The following TMEM186 variants were observed in gnomAD, a reference collection of about 807,000 sequenced individuals.
The protein encoded by TMEM186 is chromosome 16 open reading frame 51.
In TMEM186, 2 loss-of-function variants were observed where a neutral mutation model predicts 2.5. The ratio of observed to expected loss-of-function variants is 0.79; its 90% CI spans 0.32 to 2.50. TMEM186 has a LOEUF of 2.50. TMEM186 is among the 30% of genes most tolerant of loss of function. TMEM186 has a pLI of 0.11. For missense variants in TMEM186, 321 were observed against 276.5 expected (o/e 1.16, Z -1.14); for synonymous variants, 120 against 104.9 (o/e 1.14, Z -0.88).
At chr16:8,797,518 A>G in intron 1 of TMEM186, 94 bp downstream of exon 1, 2 of 1,459,434 alleles carry the variant, frequency 1.4e-6, no homozygotes, top group Non-Finnish European at 9.4e-7. Context: ...GGATCCTCGG[A>G]GTCCGAAACC....
rs776674343 is a variant in TMEM186, at chr16:8,796,543, C to A, written c.51G>T (p.Trp17Cys). Reference protein sequence around the residue: ...AVRRFRGKAVWERPLHGLWCC... With the variant: ...AVRRFRGKAVCERPLHGLWCC... ...ACCACAGCCCATGGAGAGGCCTTTC[C>A]CACACAGCTTTTCCCCGAAACCTAC... Residue 17 changes from tryptophan (W) to cysteine (C), a missense_variant, in exon 2 of 2, where the codon TGG (tryptophan) becomes TGT (cysteine). Trp to Cys is a radical substitution (Grantham distance 215). Coordinates refer to ENST00000333050, the MANE Select transcript of TMEM186 (RefSeq NM_015421.4). 6.2e-7 allele frequency: 1 copy of A among 1,614,162 alleles called. No homozygotes were observed. Among genetic ancestry groups the A allele is most frequent in the South Asian group, 1.1e-5 (1 of 91,086 alleles).
In TMEM186 at chr16:8,796,584, G is replaced by C. The variant is rs756617926; in HGVS notation, c.10C>G (p.Leu4Val). 10 of 1,611,664 alleles carry C rather than the reference G, an allele frequency of 6.2e-6. No individual in the cohort carries two copies. Among genetic ancestry groups the C allele is most frequent in the Admixed American group, 1.7e-5 (1 of 59,990 alleles). The change falls in exon 2 of 2, where the codon CTT (leucine) becomes GTT (valine). Residue 4 changes from leucine to valine, a missense_variant. Physicochemically the swap from Leu to Val is conservative, Grantham distance 32. Coordinates refer to ENST00000333050, the MANE Select transcript of TMEM186 (RefSeq NM_015421.4). The stretch of plus-strand genomic sequence containing the variant: ...CGAAACCTACGCACAGCTCGGAGAA[G>C]GGCAGCCTGAAAGGGAGACAGTAGA... MAA[L>V]LRAVRRFRGK...
Position 8,795,927 on chromosome 16 carries a change from A to G in TMEM186, c.*25T>C, listed in dbSNP as rs1244837394. ...CTGTTAATCCAGGCGACCCAGGGTTACCCAGAGGTCCAGGTCCCAGTTGTT... is the reference window on the plus strand; with the variant it reads ...CTGTTAATCCAGGCGACCCAGGGTTGCCCAGAGGTCCAGGTCCCAGTTGTT... On this transcript the variant is annotated 3_prime_UTR_variant, in exon 2 of 2. Transcript: ENST00000333050. 1.1e-5 allele frequency: 18 copies of G among 1,594,656 alleles called. No individual in the cohort carries two copies. The highest frequency in any genetic ancestry group is 1.7e-4 in the Middle Eastern group (1 of 5,908).
chr16:8,797,108 T>C (rs2060581581), intron 1 of TMEM186, among the ~76,000 whole-genome samples: 1 of 152,204 alleles, frequency 6.6e-6, no homozygotes, highest in Non-Finnish European at 1.5e-5. Flanking sequence ...ATATGCTATC[T>C]TGGGTGCTGG....
Position 8,796,020 on chromosome 16 carries a change from G to C in TMEM186, c.574C>G (p.Arg192Gly), listed in dbSNP as rs374978697. ...TCTCTGTCCAGGATGCGTCCATAGC[G>C]CAGGGTGACGTAGAAGGTCTGTTTC... ...SGKQTFYVTL[R>G]YGRILDRERF... The change falls in exon 2 of 2, where the codon CGC (arginine) becomes GGC (glycine). Residue 192 changes from arginine to glycine, a missense_variant. By Grantham distance (125) the Arg-to-Gly change is moderately radical (BLOSUM62 -2). Coordinates refer to ENST00000333050, the MANE Select transcript of TMEM186 (RefSeq NM_015421.4). 4.3e-6 allele frequency: 7 copies of C among 1,614,066 alleles called. No individual in the cohort carries two copies. Among genetic ancestry groups the C allele is most frequent in the African/African-American group, 1.3e-5 (1 of 74,914 alleles).
Position 8,796,009 on chromosome 16 carries a change from G to A in TMEM186, c.585C>T (p.Arg195=), listed in dbSNP as rs2060572902. The change falls in exon 2 of 2, where the codon CGC becomes CGT. Residue 195 remains arginine (R), a synonymous_variant. Transcript: ENST00000333050. ...QTFYVTLRYG[R]ILDRERFTQV... is the part of the protein sequence containing the mutation. ...GTGTGAAACGCTCTCTGTCCAGGAT[G>A]CGTCCATAGCGCAGGGTGACGTAGA... is the stretch of plus-strand genomic sequence containing the variant. 1.2e-6 allele frequency: 2 copies of A among 1,614,114 alleles called. No homozygotes were observed. The highest frequency in any genetic ancestry group is 2.2e-5 in the East Asian group (1 of 44,900).
At chr16:8,797,232 A>G (rs984427065) in intron 1 of TMEM186, among the ~76,000 whole-genome samples, 1 of 152,148 alleles carries the variant, frequency 6.6e-6, no homozygotes, top group Admixed American at 6.5e-5. Flanking sequence ...CTAGGTGGGT[A>G]GTGAAGCAGT....
At position 8,796,488 on chromosome 16, in the gene TMEM186, A is replaced by G. The variant is rs757995987; in HGVS notation, c.106T>C (p.Trp36Arg). The stretch of plus-strand genomic sequence containing the variant: ...GAGATGGGTGAACTGCTGCCCACCC[A>G]CCTCTTAGGATCCTCCTGCCCACTG... ...CCSGQEDPKR[W>R]VGSSSPISKE... Residue 36 changes from tryptophan to arginine, a missense_variant, in exon 2 of 2, where the codon TGG (tryptophan) becomes CGG (arginine). Transcript: ENST00000333050. 1 of 1,614,016 alleles carries G rather than the reference A, an allele frequency of 6.2e-7. No homozygotes were observed. The highest frequency in any genetic ancestry group is 2.2e-5 in the East Asian group (1 of 44,874).
In TMEM186 at chr16:8,797,627, T is replaced by C. The variant is rs777645068; in HGVS notation, c.-13A>G. On this transcript the variant is annotated 5_prime_UTR_variant, in exon 1 of 2. Transcript: ENST00000333050. ...GCCTCCTTACCATGGCCCCACCACC[T>C]GCTGCCGGAAGTAAATCCCACCGGC... is the stretch of plus-strand genomic sequence containing the variant. 23 of 1,534,550 alleles carry C rather than the reference T, an allele frequency of 1.5e-5. No homozygotes were observed. Among genetic ancestry groups the C allele is most frequent in the Non-Finnish European group, 1.9e-5 (21 of 1,131,820 alleles).
In TMEM186 at chr16:8,795,675, A is replaced by G. The variant is rs189027654; in HGVS notation, c.*277T>C. ...AATGGACTCTATGGGTGACCTTGGC[A>G]TAGGTTCTTCTAAGAACTGGCTCTT... On this transcript the variant is annotated 3_prime_UTR_variant, in exon 2 of 2. Transcript: ENST00000333050. 6.6e-4 allele frequency: 263 copies of G among 397,112 alleles called. 3 individuals are homozygous for G. The East Asian group carries it at 0.01, about 16-fold the overall frequency. 24.6% of individuals were successfully genotyped at this position (397,112 alleles called of 1,614,324 possible).
In TMEM186 at chr16:8,796,441, T is replaced by C. The variant is rs1165955387; in HGVS notation, c.153A>G (p.Ala51=). 6.2e-7 allele frequency: 1 copy of C among 1,614,240 alleles called. No homozygotes were observed. Residue 51 remains alanine, a synonymous_variant, in exon 2 of 2, where the codon GCA becomes GCG. Transcript: ENST00000333050. ...AAAACATCCAGAATTTCTCAGTCTC[T>C]GCGTTTGGTAGTTTCTCCTTCGAGA... ...SPISKEKLPN[A]ETEKFWMFYR...
chr16:8,796,624 G>C, intron 1 of TMEM186, 34 bp from the exon 2 acceptor site: 2 of 1,597,098 alleles, frequency 1.3e-6, no homozygotes, highest in Admixed American at 1.7e-5. Context: ...TTCTCTCATG[G>C]AACTCAACCA....
Position 8,795,326 on chromosome 16 carries a change from C to T in TMEM186, c.*626G>A, listed in dbSNP as rs3760025. Reference sequence around the variant, plus strand: ...TGTGTAGTTAACATCCTGACAGACCCTTCTGCCGCTGGATATGTGAGGGGC... The same window carrying T: ...TGTGTAGTTAACATCCTGACAGACCTTTCTGCCGCTGGATATGTGAGGGGC... On this transcript the variant is annotated 3_prime_UTR_variant, in exon 2 of 2. Transcript: ENST00000333050. 25,610 of 152,560 alleles carry T rather than the reference C, an allele frequency of 0.17. 2,236 individuals are homozygous for T. The highest frequency in any genetic ancestry group is 0.22 in the African/African-American group (9,289 of 41,470). The allele number at this position is 152,560 out of a possible 1,614,324, so 9.5% of individuals were successfully genotyped here. A position where few individuals can be genotyped will look rare whatever the true frequency, so the allele number is the denominator to read the frequency against.
In TMEM186 at chr16:8,795,935, G is replaced by A; in HGVS notation, c.*17C>T. On this transcript the variant is annotated 3_prime_UTR_variant, in exon 2 of 2. Transcript: ENST00000333050. ...CCAGGCGACCCAGGGTTACCCAGAG[G>A]TCCAGGTCCCAGTTGTTCACTTGAG... 6.2e-7 allele frequency: 1 copy of A among 1,600,778 alleles called. No individual in the cohort carries two copies. The highest frequency in any genetic ancestry group is 8.5e-7 in the Non-Finnish European group (1 of 1,171,168).
rs767652117 is a variant in TMEM186, at chr16:8,796,208, C to A, written c.386G>T (p.Gly129Val). ...GCCAGACTCATTCAGATACAGGATACCAACCAGTCTCCGTAAGAAATAGCT... is the reference window on the plus strand; with the variant it reads ...GCCAGACTCATTCAGATACAGGATAACAACCAGTCTCCGTAAGAAATAGCT... ...WMSYFLRRLV[G>V]ILYLNESGTM... The change falls in exon 2 of 2, where the codon GGT (glycine) becomes GTT (valine). Residue 129 changes from glycine (G) to valine (V), a missense_variant. By Grantham distance (109) the Gly-to-Val change is moderately radical (BLOSUM62 -3). Coordinates refer to ENST00000333050, the MANE Select transcript of TMEM186 (RefSeq NM_015421.4). 2 of 1,614,072 alleles carry A rather than the reference C, an allele frequency of 1.2e-6. No individual in the cohort carries two copies. The highest frequency in any genetic ancestry group is 2.7e-5 in the African/African-American group (2 of 74,912).
chr16:8,796,296 G>C lies in TMEM186; in HGVS notation c.298C>G (p.Leu100Val), dbSNP rs766101401. Residue 100 changes from leucine to valine, a missense_variant, in exon 2 of 2, where the codon CTC becomes GTC. Coordinates refer to ENST00000333050, the MANE Select transcript of TMEM186 (RefSeq NM_015421.4). ...CCACTCATGAGGCACACGGTGTTGA[G>C]AGTGAGGAGGCCCTGGGAGTACAAG... ...YYLYSQGLLT[L>V]NTVCLMSGIS... 1.9e-6 allele frequency: 3 copies of C among 1,614,214 alleles called. No homozygotes were observed. The highest frequency in any genetic ancestry group is 2.2e-5 in the East Asian group (1 of 44,884).
chr16:8,795,993 G>A lies in TMEM186; in HGVS notation c.601C>T (p.Arg201Cys), dbSNP rs749155553. ...LRYGRILDRE[R>C]FTQVFGVHQM... ...TGTACCCCAAACACCTGTGTGAAAC[G>A]CTCTCTGTCCAGGATGCGTCCATAG... The change falls in exon 2 of 2, where the codon CGT (arginine) becomes TGT (cysteine). Residue 201 changes from arginine to cysteine, a missense_variant. By Grantham distance (180) the Arg-to-Cys change is radical. Coordinates refer to ENST00000333050, the MANE Select transcript of TMEM186 (RefSeq NM_015421.4). 1.1e-5 allele frequency: 18 copies of A among 1,613,986 alleles called. No individual in the cohort carries two copies. Among genetic ancestry groups the A allele is most frequent in the Admixed American group, 5.0e-5 (3 of 60,002 alleles).
intron 1 of TMEM186, 127 bp downstream of exon 1, chr16:8,797,485 C>T (rs2060584263): frequency 1.6e-6 from 2 of 1,264,248 alleles, no homozygotes; most frequent in Non-Finnish European, 1.1e-6. Flanking sequence ...CGAACTGTAA[C>T]ACACGCCAGA....
rs780613679 is a variant in TMEM186, at chr16:8,796,250, G to C, written c.344C>G (p.Thr115Ser). 6.2e-7 allele frequency: 1 copy of C among 1,614,174 alleles called. No individual in the cohort carries two copies. The highest frequency in any genetic ancestry group is 1.7e-5 in the Admixed American group (1 of 60,012). ...LMSGISGFAL[T>S]MLCWMSYFLR... ...GAAATAGCTCATCCAGCACAGCATG[G>C]TCAGGGCAAAGCCCGATATCCCACT... The change falls in exon 2 of 2, where the codon ACC (threonine) becomes AGC (serine). Residue 115 changes from threonine (T) to serine (S), a missense_variant. Thr to Ser is a moderately conservative substitution (Grantham distance 58). Transcript: ENST00000333050.
Sources: allele counts gnomAD v4.1 joint callset (sites outside exome capture counted in the v4.1 genomes callset), GRCh38; gene constraint gnomAD v4.1.1; transcripts MANE v1.5; gene names NCBI Gene and HGNC (gene_info 2026-07-23, HGNC 2026-07-21).